MCTP1: variants seen among roughly 807,000 people sequenced by gnomAD.
MCTP1 encodes the protein multiple C2 and transmembrane domain containing 1.
A neutral mutation model predicts 120.6 loss-of-function variants in MCTP1; 69 were observed. The ratio of observed to expected loss-of-function variants is 0.57; its 90% confidence interval spans 0.47 to 0.70. MCTP1 has a LOEUF of 0.70. Ranked by LOEUF, MCTP1 falls within the 30% of genes least tolerant of loss-of-function variation. The pLI is 0.00. For synonymous variants in MCTP1, 529 were observed against 493.1 expected (o/e 1.07, Z -0.96); for missense variants, 1,203 against 1,248.8 (o/e 0.96, Z 0.55).
intron 10 of MCTP1, among the ~76,000 whole-genome samples, chr5:94,903,017 A>G (rs1477952784): frequency 6.6e-6 from 1 of 152,240 alleles, no homozygotes; most frequent in Non-Finnish European, 1.5e-5. Context: ...CATGAAAGAA[A>G]AGGGATTAAA....
chr5:95,200,101 C>T (rs998034028), intron 1 of MCTP1, among the ~76,000 whole-genome samples: 5 of 150,578 alleles, frequency 3.3e-5, no homozygotes, highest in Admixed American at 2.0e-4. Context: ...GCGGAAGTTG[C>T]GGTGAGCCGA....
At chr5:95,261,613 C>A (rs1056366198) in intron 1 of MCTP1, among the ~76,000 whole-genome samples, 1 of 152,196 alleles carries the variant, frequency 6.6e-6, no homozygotes, top group African/African-American at 2.4e-5. Context: ...GCAAAACTTC[C>A]CCTGATTGCT....
At chr5:94,769,253 G>C (rs112172619) in intron 19 of MCTP1, among the ~76,000 whole-genome samples, 7 of 152,292 alleles carry the variant, frequency 4.6e-5, no homozygotes, top group African/African-American at 1.7e-4. Flanking sequence ...GGTGAAGAGA[G>C]ATTGGTTAAT....
intron 17 of MCTP1, chr5:94,826,326 C>T: frequency 3.7e-6 from 2 of 541,594 alleles, no homozygotes; most frequent in African/African-American, 1.9e-5. Flanking sequence ...GCCTCTTGAG[C>T]TTCACAAAGG....
At chr5:94,758,543 C>G (rs907599788) in intron 19 of MCTP1, among the ~76,000 whole-genome samples, 1 of 152,062 alleles carries the variant, frequency 6.6e-6, no homozygotes, top group African/African-American at 2.4e-5. Context: ...CTGTAGGTAA[C>G]GAAGTCAGTC....
intron 2 of MCTP1, among the ~76,000 whole-genome samples, chr5:95,009,320 A>T (rs1835451800): frequency 6.6e-6 from 1 of 152,150 alleles, no homozygotes; most frequent in Non-Finnish European, 1.5e-5. Flanking sequence ...TTGCTCTTAA[A>T]TTTTTTAACA....
At chr5:94,908,121 G>A (rs1807412074) in intron 10 of MCTP1, among the ~76,000 whole-genome samples, 1 of 152,046 alleles carries the variant, frequency 6.6e-6, no homozygotes, top group South Asian at 2.1e-4. Context: ...TGTATTAACA[G>A]ATGTGGTATA....
At chr5:95,000,215 C>T (rs1243863709) in intron 2 of MCTP1, among the ~76,000 whole-genome samples, 2 of 152,134 alleles carry the variant, frequency 1.3e-5, no homozygotes, top group African/African-American at 4.8e-5. Flanking sequence ...CTGCCAGTTA[C>T]ATAAAAGACT....
At chr5:94,731,358 C>T (rs7700629) in intron 19 of MCTP1, among the ~76,000 whole-genome samples, 120,352 of 152,182 alleles carry the variant, frequency 0.79, 48,319 homozygotes, top group African/African-American at 0.93. Flanking sequence ...ATTTGCTTAA[C>T]AAATTTAAAC....
At chr5:94,944,069 C>T (rs1049322411) in intron 3 of MCTP1, among the ~76,000 whole-genome samples, 3 of 151,782 alleles carry the variant, frequency 2.0e-5, no homozygotes, top group Non-Finnish European at 4.4e-5. Flanking sequence ...TTCTCTATTA[C>T]AGGTGTACTT....
intron 1 of MCTP1, among the ~76,000 whole-genome samples, chr5:95,143,476 T>A (rs921005350): frequency 6.6e-6 from 1 of 152,130 alleles, no homozygotes. Flanking sequence ...CCCGGGTATA[T>A]TGTGTGATTC....
chr5:94,717,228 A>G (rs574964588), intron 19 of MCTP1, among the ~76,000 whole-genome samples: 1 of 152,214 alleles, frequency 6.6e-6, no homozygotes, highest in Non-Finnish European at 1.5e-5. Flanking sequence ...CAACATACAC[A>G]AATGAATAAA....
Position 94,886,794 on chromosome 5 carries a change from A to G in MCTP1, c.1933+2085T>C, listed in dbSNP as rs555891682. 5.3e-5 allele frequency among the ~76,000 whole-genome samples: 8 copies of G among 152,318 alleles called. No homozygotes were observed. The East Asian group carries it at 5.8e-4, about 11-fold the overall frequency. ...ATCTTTAAAGTTCTTTGAACAAGTA[A>G]AAGAGAAAGCAGACAAAGAACTTAC... On this transcript the variant is annotated intron_variant, in intron 12 of 22. Transcript: ENST00000515393.
intron 2 of MCTP1, among the ~76,000 whole-genome samples, chr5:94,957,368 AAAT>A (rs1487804337): frequency 3.3e-5 from 5 of 152,230 alleles, no homozygotes; most frequent in Non-Finnish European, 7.3e-5. Flanking sequence ...CTAATGGGCG[AAAT>A]AACCAGCTAG....
chr5:94,936,299 T>TTA (rs1276229199), intron 5 of MCTP1, among the ~76,000 whole-genome samples: 2 of 151,640 alleles, frequency 1.3e-5, no homozygotes, highest in African/African-American at 2.4e-5. Context: ...ACTTTATGTA[T>TTA]TATATATATA....
intron 2 of MCTP1, among the ~76,000 whole-genome samples, chr5:94,968,772 CTT>C (rs970665102): frequency 6.6e-6 from 1 of 152,202 alleles, no homozygotes; most frequent in African/African-American, 2.4e-5. Flanking sequence ...GCAGGGCACA[CTT>C]TGAAGTTCCC....
At chr5:95,282,623 G>A (rs2152747686) in intron 1 of MCTP1, among the ~76,000 whole-genome samples, 1 of 152,326 alleles carries the variant, frequency 6.6e-6, no homozygotes, top group Admixed American at 6.5e-5. Flanking sequence ...AAAGGTAAAT[G>A]TATTTGGTCT....
intron 13 of MCTP1, among the ~76,000 whole-genome samples, chr5:94,871,974 A>G (rs998851278): frequency 2.6e-5 from 4 of 152,162 alleles, no homozygotes; most frequent in African/African-American, 9.6e-5. Context: ...AAAATGTAAC[A>G]TATAGTTATT....
chr5:95,263,022 G>GA (rs1267184910), intron 1 of MCTP1, among the ~76,000 whole-genome samples: 2 of 152,178 alleles, frequency 1.3e-5, no homozygotes, highest in Non-Finnish European at 2.9e-5. Flanking sequence ...AGATGTGACA[G>GA]AAAAATTGTG....
Sources: allele counts gnomAD v4.1 joint callset (sites outside exome capture counted in the v4.1 genomes callset), GRCh38; gene constraint gnomAD v4.1.1; transcripts MANE v1.5; gene names NCBI Gene and HGNC (gene_info 2026-07-23, HGNC 2026-07-21).